The following RASGRF1 variants were observed in gnomAD, a reference collection of about 807,000 sequenced individuals.
The protein encoded by RASGRF1 is ras-specific guanine nucleotide-releasing factor 1.
Under a neutral mutation model 138.7 loss-of-function variants are expected in RASGRF1, and 40 were observed. That is an observed-to-expected ratio of 0.29 (90% CI 0.22 to 0.38). RASGRF1 has a LOEUF of 0.38. Among genes scored for constraint, RASGRF1 ranks in the 10% least tolerant of loss-of-function variants. RASGRF1 has a pLI of 1.00. For missense variants in RASGRF1, 1,108 were observed against 1,650.4 expected, an observed-to-expected ratio of 0.67 and a Z score of 5.69; for synonymous variants, 614 against 663.2, an observed-to-expected ratio of 0.93 and a Z score of 1.14.
In RASGRF1 at chr15:79,040,373, C is replaced by G. The variant is rs908421429; in HGVS notation, c.879-5163G>C. Among the ~76,000 whole-genome samples the G allele has an allele frequency of 3.7e-4, 57 of 152,224 alleles. 1 individual carries two copies. The highest frequency in any genetic ancestry group is 1.4e-3 in the African/African-American group (57 of 41,460). On this transcript the variant is annotated intron_variant, in intron 5 of 26. Coordinates refer to ENST00000558480, the MANE Select transcript of RASGRF1 (RefSeq NM_001145648.3). ...AACTGGTCTTTTGCTTCCACTCTTG[C>G]CCCTGGTCCACCCATTCTCTACATA... is the stretch of plus-strand genomic sequence containing the variant.
At chr15:79,013,745 G>A (rs1350190467) in intron 13 of RASGRF1, among the ~76,000 whole-genome samples, 1 of 152,280 alleles carries the variant, frequency 6.6e-6, no homozygotes, top group African/African-American at 2.4e-5. Flanking sequence ...GGGGTTAGGC[G>A]TGCAGGTGAC....
At chr15:78,963,044 T>C (rs533135729) in intron 26 of RASGRF1, among the ~76,000 whole-genome samples, 1 of 152,222 alleles carries the variant, frequency 6.6e-6, no homozygotes, top group African/African-American at 2.4e-5. Context: ...GGGAGAAATC[T>C]TAAGAGTGGA....
intron 3 of RASGRF1, among the ~76,000 whole-genome samples, chr15:79,053,209 G>A (rs1800747104): frequency 6.6e-6 from 1 of 152,072 alleles, no homozygotes; most frequent in Non-Finnish European, 1.5e-5. Context: ...AGGTTGCAGT[G>A]AGCCGAGATT....
chr15:78,976,431 G>A (rs2055872129), intron 24 of RASGRF1, among the ~76,000 whole-genome samples: 1 of 152,172 alleles, frequency 6.6e-6, no homozygotes, highest in Non-Finnish European at 1.5e-5. Context: ...TTTTAAGAAA[G>A]TTTACCAATT....
At chr15:79,039,395 A>C (rs2141013598) in intron 5 of RASGRF1, among the ~76,000 whole-genome samples, 1 of 147,344 alleles carries the variant, frequency 6.8e-6, no homozygotes, top group Non-Finnish European at 1.5e-5. Context: ...GATTAGTCTT[A>C]GGTTGTTTTT....
intron 3 of RASGRF1, among the ~76,000 whole-genome samples, chr15:79,055,207 C>G (rs943698380): frequency 1.3e-5 from 2 of 152,146 alleles, no homozygotes; most frequent in African/African-American, 2.4e-5. Context: ...GACCCTGGGC[C>G]TTCCTCACTG....
chr15:79,063,707 GAAA>G (rs1413508110), intron 2 of RASGRF1, among the ~76,000 whole-genome samples: 1 of 152,172 alleles, frequency 6.6e-6, no homozygotes, highest in African/African-American at 2.4e-5. Flanking sequence ...CACTAAGGTA[GAAA>G]AATCCACTGC....
intron 5 of RASGRF1, among the ~76,000 whole-genome samples, chr15:79,043,113 T>C (rs2057317092): frequency 6.6e-6 from 1 of 152,200 alleles, no homozygotes; most frequent in Non-Finnish European, 1.5e-5. Context: ...ACCATTGATA[T>C]AACCACCAGG....
chr15:78,968,427 A>AT (rs2055688058), intron 26 of RASGRF1, among the ~76,000 whole-genome samples: 1 of 151,966 alleles, frequency 6.6e-6, no homozygotes, highest in Non-Finnish European at 1.5e-5. Context: ...GTGCACCACC[A>AT]TGCCCAGCTA....
intron 1 of RASGRF1, among the ~76,000 whole-genome samples, chr15:79,071,201 T>G (rs948882157): frequency 1.3e-5 from 2 of 152,186 alleles, no homozygotes; most frequent in Non-Finnish European, 2.9e-5. Flanking sequence ...TACTGCACCT[T>G]CAACAAGGAG....
rs1412304771 is a variant in RASGRF1, at chr15:79,032,740, T to C, written c.959-424A>G. ...TGCCTGGTCTGTCCTCCTGCTTCAA[T>C]TCAGGACACCAGTGTGAGGTCACCC... is the stretch of plus-strand genomic sequence containing the variant. On this transcript the variant is annotated intron_variant, in intron 6 of 26. Coordinates refer to ENST00000558480, the MANE Select transcript of RASGRF1 (RefSeq NM_001145648.3). The surrounding 1 kb of genome is among the most constrained non-coding windows in gnomAD (Gnocchi z 4.5). 6.6e-6 allele frequency among the ~76,000 whole-genome samples: 1 copy of C among 152,192 alleles called. No homozygotes were observed. The highest frequency in any genetic ancestry group is 1.9e-4 in the East Asian group (1 of 5,192).
intron 2 of RASGRF1, among the ~76,000 whole-genome samples, chr15:79,059,447 T>G (rs1461888973): frequency 1.4e-5 from 2 of 140,824 alleles, no homozygotes; most frequent in Non-Finnish European, 3.0e-5. Flanking sequence ...TCCTTCCCTA[T>G]CCTTCTATCC....
At position 79,058,152 on chromosome 15, in the gene RASGRF1, C is replaced by G. The variant is rs141746099; in HGVS notation, c.531+182G>C. Reference sequence around the variant, plus strand: ...ATAAGTGACAGAGGTGAGATTTAAACCCAGTCTGACCACAGGACCTTCTCA... The same window carrying G: ...ATAAGTGACAGAGGTGAGATTTAAAGCCAGTCTGACCACAGGACCTTCTCA... On this transcript the variant is annotated intron_variant, in intron 3 of 26. Coordinates refer to ENST00000558480, the MANE Select transcript of RASGRF1 (RefSeq NM_001145648.3). Among the ~76,000 whole-genome samples the G allele has an allele frequency of 8.9e-3, 1,363 of 152,308 alleles. 38 individuals are homozygous for G. The highest frequency in any genetic ancestry group is 0.052 in the Admixed American group (795 of 15,298).
At chr15:79,084,614 C>T (rs1173867187) in intron 1 of RASGRF1, among the ~76,000 whole-genome samples, 1 of 152,240 alleles carries the variant, frequency 6.6e-6, no homozygotes, top group Non-Finnish European at 1.5e-5. Flanking sequence ...ACCCACTGTC[C>T]TCCTCGTGGG....
Position 79,073,486 on chromosome 15 carries a change from T to C in RASGRF1, c.277-8960A>G, listed in dbSNP as rs2141084315. On this transcript the variant is annotated intron_variant, in intron 1 of 26. Coordinates refer to ENST00000558480, the MANE Select transcript of RASGRF1 (RefSeq NM_001145648.3). This position sits in a 1 kb window ranked among gnomAD's most constrained non-coding sequence, Gnocchi z 4.2. ...CATCCGAAGCTATAAGGAGACCACC[T>C]GGAGTCGGGGTTGTGAGAGACGAGA... Among the ~76,000 whole-genome samples, 1 of 152,132 alleles carries C rather than the reference T, an allele frequency of 6.6e-6. No homozygotes were observed. Among genetic ancestry groups the C allele is most frequent in the African/African-American group, 2.4e-5 (1 of 41,496 alleles).
At chr15:79,024,166 A>AC (rs1298773363) in intron 10 of RASGRF1, among the ~76,000 whole-genome samples, 4 of 152,056 alleles carry the variant, frequency 2.6e-5, no homozygotes, top group Admixed American at 2.6e-4. Flanking sequence ...ATACACATAT[A>AC]CCACACCCAC....
intron 25 of RASGRF1, 149 bp from the exon 26 acceptor site, chr15:78,972,083 T>A (rs1252056921): frequency 9.6e-6 from 7 of 730,494 alleles, no homozygotes; most frequent in African/African-American, 1.7e-5. Context: ...CACGGAGGCA[T>A]CATGTGTGTT....
At chr15:78,988,839 GTT>G (rs555940270) in intron 22 of RASGRF1, among the ~76,000 whole-genome samples, 2 of 127,098 alleles carry the variant, frequency 1.6e-5, no homozygotes, top group African/African-American at 3.0e-5. Flanking sequence ...CTGGGAGGGA[GTT>G]TTTTTTTTTT....
intron 26 of RASGRF1, among the ~76,000 whole-genome samples, chr15:78,968,077 T>A (rs2055677896): frequency 6.6e-6 from 1 of 151,966 alleles, no homozygotes; most frequent in African/African-American, 2.4e-5. Flanking sequence ...ATTTTATTAT[T>A]TTTTTTTGAA....
Sources: gnomAD v4.1 joint callset for allele counts (sites outside exome capture counted in the v4.1 genomes callset) on GRCh38, gnomAD v4.1.1 for gene constraint, Gnocchi (gnomAD v3.1) non-coding constraint, MANE v1.5 for transcripts, NCBI Gene and HGNC (gene_info 2026-07-23, HGNC 2026-07-21) for gene names.